Variants in ZNF474 observed in about 807,000 individuals in gnomAD.
The protein encoded by ZNF474 is 4933409D10Rik.
For missense variants in ZNF474, 511 were observed against 433.8 expected (o/e 1.18, Z -1.58); for synonymous variants, 192 against 162.2 (o/e 1.18, Z -1.39).
At chr5:122,129,744 G>C (rs917603550) in intron 1 of ZNF474, 61 bp downstream of exon 1, 1 of 152,198 alleles carries the variant, frequency 6.6e-6, no homozygotes, top group Non-Finnish European at 1.5e-5. Flanking sequence ...CTGTTGTCTG[G>C]TAGGTCTTAA....
Position 122,152,962 on chromosome 5 carries a change from A to G in ZNF474, c.972A>G (p.Gly324=). The change falls in exon 2 of 2, where the codon GGA becomes GGG. Residue 324 remains glycine (G), a synonymous_variant. Transcript: ENST00000296600. ...KYQNLNLGSK[G]GLKEYTNSKQ... ...AGAATTTGAATTTAGGGAGTAAAGG[A>G]GGCCTAAAAGAGTACACTAATTCCA... 1 of 1,614,046 alleles carries G rather than the reference A, an allele frequency of 6.2e-7. No homozygotes were observed. Among genetic ancestry groups the G allele is most frequent in the Non-Finnish European group, 8.5e-7 (1 of 1,180,032 alleles).
chr5:122,146,700 A>G (rs1257694158), intron 1 of ZNF474, among the ~76,000 whole-genome samples: 1 of 152,202 alleles, frequency 6.6e-6, no homozygotes, highest in Non-Finnish European at 1.5e-5. Flanking sequence ...TCTTATGTAA[A>G]TAAAGTCCAA....
At chr5:122,130,130 T>C (rs2560311) in intron 1 of ZNF474, among the ~76,000 whole-genome samples, 86,948 of 152,062 alleles carry the variant, frequency 0.57, 28,575 homozygotes, top group Non-Finnish European at 0.72. Context: ...AAAAGGGGTA[T>C]TAAAGGCTAT....
At position 122,152,675 on chromosome 5, in the gene ZNF474, A is replaced by C; in HGVS notation, c.685A>C (p.Lys229Gln). The change falls in exon 2 of 2, where the codon AAG becomes CAG. Residue 229 changes from lysine (K) to glutamine (Q), a missense_variant. Lys to Gln is a moderately conservative substitution (Grantham distance 53). Transcript: ENST00000296600. Reference sequence around the variant, plus strand: ...GACTGTTATCTGCTACATATGTGGTAAGGAATTTGGCACCCTGTCCCTTCC... The same window carrying C: ...GACTGTTATCTGCTACATATGTGGTCAGGAATTTGGCACCCTGTCCCTTCC... ...PRTVICYICGKEFGTLSLPIH... is the reference protein window; with the variant it reads ...PRTVICYICGQEFGTLSLPIH... 5 of 1,614,168 alleles carry C rather than the reference A, an allele frequency of 3.1e-6. No homozygotes were observed. Among genetic ancestry groups the C allele is most frequent in the Non-Finnish European group, 4.2e-6 (5 of 1,180,024 alleles).
rs368273210 is a variant in ZNF474, at chr5:122,141,300, A to ATTTTTTTTTTTTTTTT, written c.-212-10469_-212-10454dup. Among the ~76,000 whole-genome samples, 14 of 64,364 alleles carry ATTTTTTTTTTTTTTTT rather than the reference A, an allele frequency of 2.2e-4. 1 individual carries two copies. The highest frequency in any genetic ancestry group is 9.6e-4 in the African/African-American group (13 of 13,590). The allele number at this position is 64,364 out of a possible 152,430, so 42.2% of individuals were successfully genotyped here. A position where few individuals can be genotyped will look rare whatever the true frequency, so the allele number is the denominator to read the frequency against. On this transcript the variant is annotated intron_variant, in intron 1 of 1. Transcript: ENST00000296600. The stretch of plus-strand genomic sequence containing the variant: ...CGAGTAGCTGGGATTACCCCTGGCT[A>ATTTTTTTTTTTTTTTT]TTTTTTTTTTTTTTTTTTTTTTTTT...
intron 1 of ZNF474, among the ~76,000 whole-genome samples, chr5:122,141,018 A>T (rs1025501686): frequency 2.0e-5 from 3 of 152,102 alleles, no homozygotes; most frequent in Non-Finnish European, 4.4e-5. Flanking sequence ...AGGATGGGGG[A>T]TCCATTTTAG....
At chr5:122,150,612 T>C (rs1756141327) in intron 1 of ZNF474, among the ~76,000 whole-genome samples, 2 of 152,118 alleles carry the variant, frequency 1.3e-5, no homozygotes, top group South Asian at 4.1e-4. Context: ...CCCTGATAAA[T>C]GAAACGATAA....
At chr5:122,137,118 TC>T (rs1458194487) in intron 1 of ZNF474, among the ~76,000 whole-genome samples, 1 of 152,166 alleles carries the variant, frequency 6.6e-6, no homozygotes, top group African/African-American at 2.4e-5. Flanking sequence ...TGATATCAGT[TC>T]CATGAATGAA....
chr5:122,138,507 C>T (rs1032553733), intron 1 of ZNF474, among the ~76,000 whole-genome samples: 5 of 152,070 alleles, frequency 3.3e-5, no homozygotes, highest in African/African-American at 7.2e-5. Flanking sequence ...AAGAACAAAA[C>T]GAAGAGTAGT....
chr5:122,142,129 T>C (rs1755861784), intron 1 of ZNF474, among the ~76,000 whole-genome samples: 2 of 152,236 alleles, frequency 1.3e-5, no homozygotes, highest in South Asian at 4.1e-4. Flanking sequence ...CTCTTCACTC[T>C]CTTTCTAATG....
chr5:122,152,078 G>C lies in ZNF474; in HGVS notation c.88G>C (p.Ala30Pro). The C allele has an allele frequency of 6.2e-7, 1 of 1,614,156 alleles. No homozygotes were observed. Among genetic ancestry groups the C allele is most frequent in the Non-Finnish European group, 8.5e-7 (1 of 1,180,024 alleles). ...AGAACCCACTTTCCTTATCAACCAA[G>C]CTGGGCTTCTCTCTAGTGACTCCTA... Reference protein sequence around the residue: ...SKEPTFLINQAGLLSSDSYSS... With the variant: ...SKEPTFLINQPGLLSSDSYSS... Residue 30 changes from alanine (A) to proline (P), a missense_variant, in exon 2 of 2, where the codon GCT becomes CCT. Coordinates refer to ENST00000296600, the MANE Select transcript of ZNF474 (RefSeq NM_207317.3).
chr5:122,153,457 T>C lies in ZNF474; in HGVS notation c.*372T>C. 1 of 201,680 alleles carries C rather than the reference T, an allele frequency of 5.0e-6. No homozygotes were observed. The highest frequency in any genetic ancestry group is 1.6e-4 in the South Asian group (1 of 6,074). 12.5% of individuals were successfully genotyped at this position (201,680 alleles called of 1,614,324 possible). A position where few individuals can be genotyped will look rare whatever the true frequency, so the allele number is the denominator to read the frequency against. ...TTATTTTAGTCATCTACCTTAGGAA[T>C]TCATTTTTGGCAATGCTGGGTTATG... On this transcript the variant is annotated 3_prime_UTR_variant, in exon 2 of 2. Transcript: ENST00000296600.
In ZNF474 at chr5:122,152,849, TG is replaced by T; in HGVS notation, c.860del (p.Cys287SerfsTer32). 1 of 1,614,206 alleles carries T rather than the reference TG, an allele frequency of 6.2e-7. No individual in the cohort carries two copies. Among genetic ancestry groups the T allele is most frequent in the South Asian group, 1.1e-5 (1 of 91,088 alleles). ...AGPNQAQLVF[C>X]PHCSRIFTSD... ...ACCAAATCAAGCTCAGCTTGTGTTC[TG>T]CCCACATTGTAGCCGAATCTTTACC... On this transcript the variant is annotated frameshift_variant, in exon 2 of 2. Transcript: ENST00000296600. LOFTEE classifies it low-confidence loss of function (END_TRUNC).
chr5:122,136,080 C>A (rs572994520), intron 1 of ZNF474, among the ~76,000 whole-genome samples: 24 of 151,988 alleles, frequency 1.6e-4, no homozygotes, highest in Non-Finnish European at 3.2e-4. Context: ...AGGAGCATAA[C>A]AGGGCAACTA....
At chr5:122,136,399 G>T (rs1227611972) in intron 1 of ZNF474, among the ~76,000 whole-genome samples, 1 of 152,022 alleles carries the variant, frequency 6.6e-6, no homozygotes, top group Non-Finnish European at 1.5e-5. Context: ...AATAAACTTA[G>T]CTCAGGGAAG....
chr5:122,143,473 T>C (rs1277927871), intron 1 of ZNF474, among the ~76,000 whole-genome samples: 1 of 152,174 alleles, frequency 6.6e-6, no homozygotes, highest in East Asian at 1.9e-4. Flanking sequence ...TAAAATATGG[T>C]TATCTGTGGA....
intron 1 of ZNF474, among the ~76,000 whole-genome samples, chr5:122,145,243 C>T (rs1421185813): frequency 6.6e-6 from 1 of 152,162 alleles, no homozygotes; most frequent in African/African-American, 2.4e-5. Flanking sequence ...CAAAGCCATG[C>T]CTCAGGCTAA....
At chr5:122,129,865 C>T (rs1019389143) in intron 1 of ZNF474, among the ~76,000 whole-genome samples, 182 bp downstream of exon 1, 8 of 151,902 alleles carry the variant, frequency 5.3e-5, no homozygotes, top group African/African-American at 1.9e-4. Context: ...ATACAAATGA[C>T]GATAATAATA....
Position 122,153,029 on chromosome 5 carries a change from G to A in ZNF474, c.1039G>A (p.Val347Ile). 6.2e-7 allele frequency: 1 copy of A among 1,614,088 alleles called. No homozygotes were observed. The highest frequency in any genetic ancestry group is 8.5e-7 in the Non-Finnish European group (1 of 1,180,000). ...GGCAGCACCCAGTGTAACTGATAAG[G>A]TAATTCATGCCACACAAGACGCATT... ...NRAAPSVTDK[V>I]IHATQDALGE... Residue 347 changes from valine to isoleucine, a missense_variant, in exon 2 of 2, where the codon GTA (valine) becomes ATA (isoleucine). Val to Ile is a conservative substitution (Grantham distance 29, BLOSUM62 3). Coordinates refer to ENST00000296600, the MANE Select transcript of ZNF474 (RefSeq NM_207317.3).
Sources: gnomAD v4.1 joint callset for allele counts (sites outside exome capture counted in the v4.1 genomes callset) on GRCh38, gnomAD v4.1.1 for gene constraint, MANE v1.5 for transcripts, NCBI Gene and HGNC (gene_info 2026-07-23, HGNC 2026-07-21) for gene names.